Variants in PPP2R2D observed in about 807,000 individuals in gnomAD.
The protein encoded by PPP2R2D is protein phosphatase 2 regulatory subunit Bdelta.
A neutral mutation model predicts 31.1 loss-of-function variants in PPP2R2D; 9 were observed. The ratio of observed to expected loss-of-function variants is 0.29; its 90% confidence interval spans 0.17 to 0.51. The LOEUF is 0.51. Ranked by LOEUF, PPP2R2D falls within the 20% of genes least tolerant of loss-of-function variation. PPP2R2D has a pLI of 0.98. For missense variants in PPP2R2D, 391 were observed against 465.6 expected, an observed-to-expected ratio of 0.84 and a Z score of 1.48; for synonymous variants, 179 against 172.6, an observed-to-expected ratio of 1.04 and a Z score of -0.29.
At chr10:131,971,203 G>T in the PPP2R2D span, 1 of 546,566 alleles carries the variant, frequency 1.8e-6, no homozygotes, top group Non-Finnish European at 3.3e-6. Context: ...TCACCTCTGG[G>T]GGAGCCCCAC....
intron 2 of PPP2R2D, among the ~76,000 whole-genome samples, chr10:131,917,607 G>C (rs1554893409): frequency 1.5e-5 from 2 of 130,098 alleles, no homozygotes; most frequent in African/African-American, 2.9e-5. Context: ...GACCTCACGT[G>C]GGTGGAATGA....
At chr10:131,964,478 G>A (rs377582601), downstream of PPP2R2D, among the ~76,000 whole-genome samples, 62 of 151,874 alleles carry the variant, frequency 4.1e-4, 1 homozygote, top group South Asian at 6.3e-3. Context: ...GCACAGCTCC[G>A]GCTCAAACCG....
At chr10:131,920,489 C>T (rs1456482027) in intron 2 of PPP2R2D, among the ~76,000 whole-genome samples, 1 of 152,252 alleles carries the variant, frequency 6.6e-6, no homozygotes, top group Non-Finnish European at 1.5e-5. Flanking sequence ...TGTTTGTCCA[C>T]TTGTGTCTGG....
intron 8 of PPP2R2D, among the ~76,000 whole-genome samples, chr10:131,948,149 G>A (rs2036575468): frequency 6.6e-6 from 1 of 152,212 alleles, no homozygotes; most frequent in Admixed American, 6.5e-5. Context: ...TGACCGCGTT[G>A]CAGTCTGCCT....
chr10:131,910,347 AT>A (rs1386020054), intron 2 of PPP2R2D, among the ~76,000 whole-genome samples: 1 of 152,088 alleles, frequency 6.6e-6, no homozygotes, highest in African/African-American at 2.4e-5. Context: ...AGAAAATCCT[AT>A]TTTTTAATGT....
intron 2 of PPP2R2D, among the ~76,000 whole-genome samples, chr10:131,929,514 C>T (rs901647242): frequency 6.6e-6 from 1 of 152,160 alleles, no homozygotes; most frequent in Non-Finnish European, 1.5e-5. Context: ...TCTCAAGACT[C>T]GTCACTCTTC....
chr10:131,951,598 G>A (rs919249053), intron 8 of PPP2R2D, among the ~76,000 whole-genome samples: 6 of 152,268 alleles, frequency 3.9e-5, no homozygotes, highest in African/African-American at 9.6e-5. Flanking sequence ...TGAGGAGGGC[G>A]GATCACGAGG....
intron 8 of PPP2R2D, among the ~76,000 whole-genome samples, chr10:131,948,187 CA>C (rs1447447582): frequency 1.3e-5 from 2 of 152,188 alleles, no homozygotes; most frequent in East Asian, 3.8e-4. Context: ...TAGATGAAAA[CA>C]CCCCAGAGCC....
chr10:131,933,226 T>C (rs2036274172), intron 2 of PPP2R2D, among the ~76,000 whole-genome samples: 1 of 152,202 alleles, frequency 6.6e-6, no homozygotes, highest in Non-Finnish European at 1.5e-5. Context: ...GCTGTGTAGA[T>C]GTTGGTGGAA....
intron 2 of PPP2R2D, among the ~76,000 whole-genome samples, chr10:131,922,322 G>A (rs2036001963): frequency 6.6e-6 from 1 of 152,076 alleles, no homozygotes; most frequent in Admixed American, 6.5e-5. Flanking sequence ...AAGAGTGAAT[G>A]TTAAGTATTC....
In PPP2R2D at chr10:131,956,108, G is replaced by T; in HGVS notation, c.*145G>T. On this transcript the variant is annotated 3_prime_UTR_variant, in exon 9 of 9. Transcript: ENST00000455566. ...ACAGACACAGGAGAAAGCCGCCTCC[G>T]CTGGAGGCCCGGTGTGGTTCCGCCT... 1.1e-5 allele frequency: 14 copies of T among 1,264,980 alleles called. No homozygotes were observed. The highest frequency in any genetic ancestry group is 1.3e-5 in the Non-Finnish European group (13 of 1,007,178). The allele number at this position is 1,264,980 out of a possible 1,614,324, so 78.4% of individuals were successfully genotyped here.
chr10:131,943,843 T>A (rs2036485247), intron 5 of PPP2R2D, 125 bp from the exon 6 acceptor site: 1 of 631,104 alleles, frequency 1.6e-6, no homozygotes, highest in Admixed American at 3.3e-5. Flanking sequence ...TTGGGGGTAT[T>A]GCCTGTACAG....
In PPP2R2D at chr10:131,957,155, G is replaced by GGGGAGTC. The variant is rs201620472; in HGVS notation, c.*1196_*1202dup. 142 of 166,996 alleles carry GGGGAGTC rather than the reference G, an allele frequency of 8.5e-4. No individual in the cohort carries two copies. In the East Asian group the frequency reaches 0.018, roughly 22 times the overall value. The allele number at this position is 166,996 out of a possible 1,614,324, so 10.3% of individuals were successfully genotyped here. A position where few individuals can be genotyped will look rare whatever the true frequency, so the allele number is the denominator to read the frequency against. On this transcript the variant is annotated 3_prime_UTR_variant, in exon 9 of 9. Transcript: ENST00000455566. ...CCCACTACGTGTCCCCGAGGGGAGT[G>GGGGAGTC]GGGAGTCGGGCTCCCGTGCCCCTGT...
chr10:131,966,295 CTTAATG>C, the PPP2R2D span, among the ~76,000 whole-genome samples: 2 of 152,280 alleles, frequency 1.3e-5, no homozygotes, highest in East Asian at 3.9e-4. Context: ...ATCAGAATCA[CTTAATG>C]TTAATTTTAT....
At chr10:131,926,166 G>C (rs1289470624) in intron 2 of PPP2R2D, among the ~76,000 whole-genome samples, 1 of 152,154 alleles carries the variant, frequency 6.6e-6, no homozygotes, top group East Asian at 1.9e-4. Flanking sequence ...AATTTTGGAT[G>C]CTTTTAGATT....
At chr10:131,917,213 A>G (rs2035818970) in intron 2 of PPP2R2D, among the ~76,000 whole-genome samples, 1 of 132,782 alleles carries the variant, frequency 7.5e-6, no homozygotes, top group African/African-American at 2.9e-5. Context: ...GGAATGACAC[A>G]GTGTAGGGAC....
the PPP2R2D span, among the ~76,000 whole-genome samples, chr10:131,964,917 C>G: frequency 3.9e-5 from 6 of 152,116 alleles, no homozygotes; most frequent in Admixed American, 2.6e-4. Context: ...CACCCTCTTC[C>G]GTTTTCCATC....
chr10:131,970,358 A>T, the PPP2R2D span: 3 of 498,242 alleles, frequency 6.0e-6, no homozygotes, highest in Non-Finnish European at 1.1e-5. This position sits in a 1 kb window ranked among gnomAD's most constrained non-coding sequence, Gnocchi z 4.1. Context: ...CAAAGAGGTC[A>T]GACCTAAGAA....
At chr10:131,913,633 T>C (rs1194378374) in intron 2 of PPP2R2D, among the ~76,000 whole-genome samples, 1 of 152,140 alleles carries the variant, frequency 6.6e-6, no homozygotes, top group Non-Finnish European at 1.5e-5. Context: ...GGTGGATATT[T>C]TCTGAGCAAT....
Sources: gnomAD v4.1 joint callset for allele counts (sites outside exome capture counted in the v4.1 genomes callset) on GRCh38, gnomAD v4.1.1 for gene constraint, Gnocchi (gnomAD v3.1) non-coding constraint, MANE v1.5 for transcripts, NCBI Gene and HGNC (gene_info 2026-07-23, HGNC 2026-07-21) for gene names.